Variants in HERC3 observed in about 807,000 individuals in gnomAD.
HERC3 encodes probable E3 ubiquitin-protein ligase HERC3.
HERC3 carries 58 observed loss-of-function variants against 129.9 expected under a neutral mutation model. The observed-to-expected ratio is 0.45, with a 90% CI of 0.36 to 0.56. The LOEUF is 0.56. Ranked by LOEUF, HERC3 falls within the 20% of genes least tolerant of loss-of-function variation. The pLI, the probability that HERC3 is intolerant of heterozygous loss-of-function variation, is 0.00. For synonymous variants in HERC3, 430 were observed against 451.0 expected (o/e 0.95, Z 0.59); for missense variants, 835 against 1,244.2 (o/e 0.67, Z 4.95).
the HERC3 span, among the ~76,000 whole-genome samples, chr4:88,572,095 A>T: frequency 6.6e-6 from 1 of 152,170 alleles, no homozygotes; most frequent in Non-Finnish European, 1.5e-5. Flanking sequence ...CAGGGAGAAG[A>T]GGGCCACATA....
the HERC3 span, among the ~76,000 whole-genome samples, chr4:88,530,338 T>C: frequency 6.6e-6 from 1 of 152,270 alleles, no homozygotes; most frequent in Non-Finnish European, 1.5e-5. Context: ...GTTTATAATC[T>C]TAAGTGGAAT....
chr4:88,703,167 C>G (rs981139098), intron 23 of HERC3, among the ~76,000 whole-genome samples: 2 of 152,152 alleles, frequency 1.3e-5, no homozygotes, highest in Non-Finnish European at 2.9e-5. Context: ...CTTAACCAGT[C>G]ACATAGGATG....
intron 10 of HERC3, among the ~76,000 whole-genome samples, chr4:88,662,028 G>T (rs1017371960): frequency 6.6e-6 from 1 of 152,146 alleles, no homozygotes; most frequent in Non-Finnish European, 1.5e-5. Context: ...CTTTCTAGAA[G>T]AACATCTACT....
intron 23 of HERC3, chr4:88,692,862 G>C (rs1734220915): frequency 3.0e-6 from 3 of 984,794 alleles, no homozygotes; most frequent in Non-Finnish European, 3.6e-6. Flanking sequence ...CAGGGGCTAA[G>C]GCTGGGGCTC....
At chr4:88,540,926 A>G in the HERC3 span, among the ~76,000 whole-genome samples, 1 of 152,236 alleles carries the variant, frequency 6.6e-6, no homozygotes, top group Admixed American at 6.5e-5. Context: ...CTGCCTTACA[A>G]GAGCTCCTGA....
intron 14 of HERC3, among the ~76,000 whole-genome samples, chr4:88,669,326 C>A (rs1010926690): frequency 1.3e-5 from 2 of 152,096 alleles, no homozygotes; most frequent in Non-Finnish European, 2.9e-5. Context: ...GAAGTATAAG[C>A]CAGTGGTATA....
intron 16 of HERC3, among the ~76,000 whole-genome samples, chr4:88,671,298 C>T (rs1731589432): frequency 6.6e-6 from 1 of 152,050 alleles, no homozygotes. Flanking sequence ...AGGTTCATCA[C>T]CAGTATTAGG....
the HERC3 span, among the ~76,000 whole-genome samples, chr4:88,578,506 CG>C: frequency 3.3e-5 from 5 of 151,560 alleles, no homozygotes; most frequent in African/African-American, 4.9e-5. Context: ...TGCTTGAACC[CG>C]GGGGGTGGAG....
intron 3 of HERC3, among the ~76,000 whole-genome samples, chr4:88,607,215 G>A (rs902715383): frequency 3.9e-5 from 6 of 151,942 alleles, no homozygotes; most frequent in Admixed American, 1.3e-4. Context: ...GCACTTGGGT[G>A]TATGAATGAA....
At chr4:88,532,157 A>C in the HERC3 span, among the ~76,000 whole-genome samples, 1 of 152,206 alleles carries the variant, frequency 6.6e-6, no homozygotes, top group African/African-American at 2.4e-5. Context: ...ATAGTAAAGA[A>C]TAGTGGCCTG....
chr4:88,655,635 T>C (rs1303166690), intron 8 of HERC3, among the ~76,000 whole-genome samples: 1 of 152,204 alleles, frequency 6.6e-6, no homozygotes, highest in Non-Finnish European at 1.5e-5. Flanking sequence ...CTGTTCATCT[T>C]AGAGGCCACA....
At chr4:88,643,325 T>C (rs1445711868) in intron 3 of HERC3, among the ~76,000 whole-genome samples, 1 of 152,256 alleles carries the variant, frequency 6.6e-6, no homozygotes, top group Non-Finnish European at 1.5e-5. Flanking sequence ...AGTTGACTTA[T>C]AGATTTAACA....
chr4:88,693,968 A>G (rs1283001134), intron 23 of HERC3, among the ~76,000 whole-genome samples: 1 of 152,220 alleles, frequency 6.6e-6, no homozygotes. Flanking sequence ...GAAACTATCA[A>G]ATAAGCAGTC....
chr4:88,597,425 T>A (rs1030677117), intron 2 of HERC3, among the ~76,000 whole-genome samples: 1 of 152,228 alleles, frequency 6.6e-6, no homozygotes, highest in Non-Finnish European at 1.5e-5. Flanking sequence ...CATAGATGCT[T>A]AATAAGTTGG....
At chr4:88,581,289 C>CTTA in the HERC3 span, among the ~76,000 whole-genome samples, 743 of 150,748 alleles carry the variant, frequency 4.9e-3, 4 homozygotes, top group African/African-American at 0.017. Flanking sequence ...TATTTATTTA[C>CTTA]TTATTATTAT....
intron 10 of HERC3, among the ~76,000 whole-genome samples, 186 bp downstream of exon 10, chr4:88,658,677 C>A (rs1010861197): frequency 6.6e-6 from 1 of 152,190 alleles, no homozygotes; most frequent in African/African-American, 2.4e-5. Flanking sequence ...GAAGTGCCAA[C>A]AATTCTCCTG....
intron 3 of HERC3, among the ~76,000 whole-genome samples, chr4:88,616,686 G>A (rs1159372411): frequency 2.0e-5 from 3 of 152,154 alleles, no homozygotes; most frequent in Admixed American, 2.0e-4. Context: ...TTGTTTGTTT[G>A]TTTGTTTGTT....
In HERC3 at chr4:88,697,859, G is replaced by T. The variant is rs1191925534; in HGVS notation, c.2658-6239G>T. The T allele has an allele frequency of 2.7e-6, 4 of 1,464,394 alleles. No individual in the cohort carries two copies. The East Asian group carries it at 7.0e-5, about 26-fold the overall frequency. 90.7% of individuals were successfully genotyped at this position (1,464,394 alleles called of 1,614,324 possible). A position where few individuals can be genotyped will look rare whatever the true frequency, so the allele number is the denominator to read the frequency against. Reference sequence around the variant, plus strand: ...ATGCGGCAAGTGGCGGTGACGTGCGGCCGCGGGAATGACGTTGGCCGCGGC... The same window carrying T: ...ATGCGGCAAGTGGCGGTGACGTGCGTCCGCGGGAATGACGTTGGCCGCGGC... On this transcript the variant is annotated intron_variant, in intron 23 of 25. Transcript: ENST00000402738.
the HERC3 span, among the ~76,000 whole-genome samples, chr4:88,579,858 G>A: frequency 1.4e-4 from 22 of 152,162 alleles, no homozygotes; most frequent in African/African-American, 5.1e-4. Flanking sequence ...GTCGAAGTTA[G>A]GAGAAGGTGA....
Sources: gnomAD v4.1 joint callset for allele counts (sites outside exome capture counted in the v4.1 genomes callset) on GRCh38, gnomAD v4.1.1 for gene constraint, MANE v1.5 for transcripts, NCBI Gene and HGNC (gene_info 2026-07-23, HGNC 2026-07-21) for gene names.